The following CFH variants were observed in gnomAD, a reference collection of about 807,000 sequenced individuals.
The protein encoded by CFH is complement factor H, also known as H factor 1 (complement).
CFH carries 53 observed loss-of-function variants against 147.3 expected under a neutral mutation model. The observed-to-expected ratio is 0.36, with a 90% confidence interval of 0.29 to 0.45. The LOEUF (loss-of-function observed/expected upper bound fraction) is 0.45, where lower values mean the gene tolerates loss of function less well. CFH is among the 20% of genes least tolerant of loss of function. The pLI is 1.00. For synonymous variants in CFH, 536 were observed against 489.4 expected, an observed-to-expected ratio of 1.10 and a Z score of -1.26; for missense variants, 1,380 against 1,498.0, an observed-to-expected ratio of 0.92 and a Z score of 1.30.
chr1:196,724,091 A>G (rs1276280280), intron 11 of CFH, among the ~76,000 whole-genome samples: 1 of 152,080 alleles, frequency 6.6e-6, no homozygotes, highest in African/African-American at 2.4e-5. Context: ...GCTCTTGCAC[A>G]CAGGAAAGTG....
rs1391364649 is a variant in CFH, at chr1:196,698,891, A to G, written c.1336+8652A>G. Reference sequence around the variant, plus strand: ...GCTTATTCACCATGAGCAAGTCGCCATTATCTCTGTGATGCAAGGCTGTTT... The same window carrying G: ...GCTTATTCACCATGAGCAAGTCGCCGTTATCTCTGTGATGCAAGGCTGTTT... On this transcript the variant is annotated intron_variant, in intron 9 of 21. Coordinates refer to ENST00000367429, the MANE Select transcript of CFH (RefSeq NM_000186.4). Among the ~76,000 whole-genome samples the G allele has an allele frequency of 6.6e-5, 10 of 152,288 alleles. No homozygotes were observed. In the East Asian group the frequency reaches 1.7e-3, roughly 27 times the overall value.
chr1:196,743,468 T>C lies in CFH; in HGVS notation c.3150T>C (p.Asn1050=), dbSNP rs113347629. The C allele has an allele frequency of 5.4e-4, 863 of 1,606,642 alleles. No individual in the cohort carries two copies. The African/African-American group carries it at 0.011, about 20-fold the overall frequency. ...RPTCRDTSCV[N]PPTVQNAYIV... ...TCTATTCAGACACCTCCTGTGTGAA[T>C]CCGCCCACAGTACAAAATGCTTATA... The change falls in exon 20 of 22, where the codon AAT becomes AAC. Residue 1050 remains asparagine, a synonymous_variant. Coordinates refer to ENST00000367429, the MANE Select transcript of CFH (RefSeq NM_000186.4).
intron 15 of CFH, among the ~76,000 whole-genome samples, chr1:196,732,490 C>G (rs80048678): frequency 0.014 from 2,092 of 152,032 alleles, 25 homozygotes; most frequent in Admixed American, 0.022. Context: ...TTTCTGGAGA[C>G]TCATCTTGTT....
At chr1:196,713,647 A>T in intron 9 of CFH, 88 bp from the exon 10 acceptor site, 1 of 885,112 alleles carries the variant, frequency 1.1e-6, no homozygotes, top group Non-Finnish European at 1.8e-6. Flanking sequence ...CAAATGACTC[A>T]TTATTTTTTA....
At chr1:196,652,798 C>T (rs1666547594) in intron 1 of CFH, among the ~76,000 whole-genome samples, 1 of 151,648 alleles carries the variant, frequency 6.6e-6, no homozygotes, top group South Asian at 2.1e-4. Context: ...AACATATATT[C>T]TTGAAGAGCA....
At chr1:196,667,645 T>C (rs1436646731) in intron 1 of CFH, among the ~76,000 whole-genome samples, 2 of 152,138 alleles carry the variant, frequency 1.3e-5, no homozygotes, top group Non-Finnish European at 2.9e-5. Flanking sequence ...AGACAATCTT[T>C]GTATGTTTAG....
chr1:196,672,309 C>T (rs1436184724), intron 1 of CFH, among the ~76,000 whole-genome samples: 4 of 152,140 alleles, frequency 2.6e-5, no homozygotes, highest in Non-Finnish European at 5.9e-5. Flanking sequence ...GTCCTTCCTA[C>T]TTGTGTTTTG....
At chr1:196,688,842 T>C (rs1667918942) in intron 7 of CFH, among the ~76,000 whole-genome samples, 1 of 152,062 alleles carries the variant, frequency 6.6e-6, no homozygotes, top group African/African-American at 2.4e-5. Flanking sequence ...TCGAACTCCT[T>C]ACGAGTGATC....
intron 10 of CFH, among the ~76,000 whole-genome samples, chr1:196,714,642 T>C (rs1240246321): frequency 9.1e-5 from 2 of 21,996 alleles, no homozygotes; most frequent in African/African-American, 4.7e-4. Flanking sequence ...TATGTATATA[T>C]ATATATATAT....
At chr1:196,733,499 G>T (rs1445735771) in intron 15 of CFH, among the ~76,000 whole-genome samples, 3 of 152,088 alleles carry the variant, frequency 2.0e-5, no homozygotes, top group African/African-American at 7.2e-5. Context: ...CTTGATGGAT[G>T]ACACAAACCT....
At chr1:196,716,623 G>T (rs1277148865) in intron 11 of CFH, among the ~76,000 whole-genome samples, 1 of 152,036 alleles carries the variant, frequency 6.6e-6, no homozygotes, top group Non-Finnish European at 1.5e-5. Context: ...GATAGGGGAG[G>T]TGCAGAGCAG....
At chr1:196,714,032 C>G (rs1447951771) in intron 10 of CFH, 115 bp downstream of exon 10, 2 of 897,212 alleles carry the variant, frequency 2.2e-6, no homozygotes, top group African/African-American at 3.4e-5. Flanking sequence ...GAAAAAAAAA[C>G]CTGCAGGAAC....
intron 1 of CFH, among the ~76,000 whole-genome samples, chr1:196,664,862 T>TA (rs897456203): frequency 1.3e-5 from 2 of 152,096 alleles, no homozygotes; most frequent in Admixed American, 1.3e-4. Flanking sequence ...TTGTTACTTT[T>TA]AAAAAATTGA....
intron 6 of CFH, among the ~76,000 whole-genome samples, chr1:196,680,426 T>C (rs1456517031): frequency 6.6e-6 from 1 of 151,802 alleles, no homozygotes; most frequent in African/African-American, 2.4e-5. Flanking sequence ...GAATAGAGTG[T>C]TCTACTTAAC....
At chr1:196,683,897 G>A (rs1667738346) in intron 6 of CFH, among the ~76,000 whole-genome samples, 1 of 151,620 alleles carries the variant, frequency 6.6e-6, no homozygotes, top group South Asian at 2.1e-4. Flanking sequence ...ATTTACCATG[G>A]GAAATCAAAT....
chr1:196,656,688 T>TTG (rs1233528967), intron 1 of CFH, among the ~76,000 whole-genome samples: 8 of 146,694 alleles, frequency 5.5e-5, no homozygotes, highest in African/African-American at 2.1e-4. Context: ...TGTGTTGCGT[T>TTG]TTTTTTTTTT....
chr1:196,721,285 G>T (rs1459062366), intron 11 of CFH, among the ~76,000 whole-genome samples: 1 of 151,670 alleles, frequency 6.6e-6, no homozygotes, highest in Non-Finnish European at 1.5e-5. Context: ...TTCCTTTGCT[G>T]TGAAGAAAAT....
rs368897930 is a variant in CFH at position 196,676,112 on chromosome 1, A to G, written c.427+47A>G. On this transcript the variant is annotated intron_variant, in intron 4 of 21. Coordinates refer to ENST00000367429, the MANE Select transcript of CFH (RefSeq NM_000186.4). ...AAGTATATTGAAATAAATATCTAAGATTTAAAAAAAGTCTTACATTAAAAT... is the reference window on the plus strand; with the variant it reads ...AAGTATATTGAAATAAATATCTAAGGTTTAAAAAAAGTCTTACATTAAAAT... The G allele has an allele frequency of 4.2e-6, 5 of 1,195,340 alleles. No individual in the cohort carries two copies. The African/African-American group carries it at 7.7e-5, about 18-fold the overall frequency. 74.0% of individuals were successfully genotyped at this position (1,195,340 alleles called of 1,614,324 possible).
chr1:196,692,793 TC>T (rs879339429), intron 9 of CFH, among the ~76,000 whole-genome samples: 6,160 of 90,700 alleles, frequency 0.068, 498 homozygotes, highest in Non-Finnish European at 0.088. Context: ...TTTCTTTCTT[TC>T]TTTCTTTCTT....
Sources: gnomAD v4.1 joint callset for allele counts (sites outside exome capture counted in the v4.1 genomes callset) on GRCh38, gnomAD v4.1.1 for gene constraint, MANE v1.5 for transcripts, NCBI Gene and HGNC (gene_info 2026-07-23, HGNC 2026-07-21) for gene names.